The following DLG2 variants were observed in gnomAD, a reference collection of about 807,000 sequenced individuals.
DLG2 encodes disks large homolog 2.
In DLG2, 45 loss-of-function variants were observed where a neutral mutation model predicts 132.5. The ratio of observed to expected loss-of-function variants is 0.34; its 90% confidence interval spans 0.27 to 0.44. The LOEUF (loss-of-function observed/expected upper bound fraction) is 0.44, where lower values mean the gene tolerates loss of function less well. DLG2 is among the 20% of genes least tolerant of loss of function. The probability of loss-of-function intolerance (pLI) is 1.00; values close to 1 mark genes in which losing one functional copy is unlikely to be tolerated. For synonymous variants in DLG2, 424 were observed against 419.6 expected, an observed-to-expected ratio of 1.01 and a Z score of -0.13; for missense variants, 1,045 against 1,196.9, an observed-to-expected ratio of 0.87 and a Z score of 1.87.
chr11:84,242,343 T>C (rs1044607834), intron 8 of DLG2, among the ~76,000 whole-genome samples: 12 of 152,098 alleles, frequency 7.9e-5, no homozygotes, highest in African/African-American at 2.9e-4. Context: ...GGTCTTCTGT[T>C]GGTTTTTTTT....
At chr11:84,865,668 C>T (rs1438689562) in intron 6 of DLG2, among the ~76,000 whole-genome samples, 1 of 152,138 alleles carries the variant, frequency 6.6e-6, no homozygotes, top group East Asian at 1.9e-4. Context: ...ACAAAAGTAT[C>T]CTAACACAAC....
intron 3 of DLG2, among the ~76,000 whole-genome samples, chr11:85,567,566 A>G (rs1484748112): frequency 6.6e-6 from 1 of 152,160 alleles, no homozygotes; most frequent in Non-Finnish European, 1.5e-5. Flanking sequence ...TAAATACAAG[A>G]TCATGTAATC....
chr11:83,622,928 C>T (rs1024657502), intron 19 of DLG2, among the ~76,000 whole-genome samples: 1 of 152,144 alleles, frequency 6.6e-6, no homozygotes, highest in Non-Finnish European at 1.5e-5. Context: ...GGTTCAGTCA[C>T]ATTGAAGTCA....
intron 6 of DLG2, among the ~76,000 whole-genome samples, chr11:84,848,952 AG>A (rs1365581360): frequency 1.3e-5 from 2 of 152,230 alleles, no homozygotes; most frequent in African/African-American, 4.8e-5. Context: ...GAGGTAATAC[AG>A]TGCCAGCTCT....
At chr11:84,538,918 C>T (rs540472603) in intron 6 of DLG2, among the ~76,000 whole-genome samples, 1 of 152,288 alleles carries the variant, frequency 6.6e-6, no homozygotes, top group South Asian at 2.1e-4. Context: ...CAAACTCAAG[C>T]TTCCAAAGGA....
chr11:85,027,720 A>G (rs974855446), intron 6 of DLG2, among the ~76,000 whole-genome samples: 1 of 152,224 alleles, frequency 6.6e-6, no homozygotes, highest in Non-Finnish European at 1.5e-5. Flanking sequence ...GGCTTCAGCT[A>G]TAGGCACCTG....
chr11:84,710,164 C>G (rs1565731629), intron 6 of DLG2, among the ~76,000 whole-genome samples: 1 of 151,892 alleles, frequency 6.6e-6, no homozygotes, highest in African/African-American at 2.4e-5. Context: ...GAATAAAACA[C>G]TGTGGGTGGT....
chr11:84,112,754 A>T (rs1476121831), intron 9 of DLG2, among the ~76,000 whole-genome samples: 1 of 152,184 alleles, frequency 6.6e-6, no homozygotes, highest in African/African-American at 2.4e-5. Context: ...ACTAGGCAAG[A>T]GGGATGGGAA....
chr11:85,115,063 A>T (rs1040177041), intron 5 of DLG2, among the ~76,000 whole-genome samples: 2 of 151,912 alleles, frequency 1.3e-5, no homozygotes, highest in African/African-American at 4.8e-5. Context: ...CAGTAAAATG[A>T]TCCTCATAAA....
intron 3 of DLG2, among the ~76,000 whole-genome samples, chr11:85,383,430 T>C (rs1027803345): frequency 2.0e-5 from 3 of 152,282 alleles, no homozygotes; most frequent in African/African-American, 7.2e-5. Context: ...AAACGCTGAA[T>C]TGTGTACTTT....
At chr11:85,053,719 G>A (rs899230484) in intron 6 of DLG2, among the ~76,000 whole-genome samples, 6 of 147,496 alleles carry the variant, frequency 4.1e-5, no homozygotes, top group Non-Finnish European at 4.5e-5. Context: ...GGAGAATGGC[G>A]TGAACCCAGG....
Position 84,864,588 on chromosome 11 carries a change from T to C in DLG2, c.357+247073A>G, listed in dbSNP as rs540422393. 3.9e-5 allele frequency among the ~76,000 whole-genome samples: 6 copies of C among 152,298 alleles called. No individual in the cohort carries two copies. In the South Asian group the frequency reaches 1.2e-3, roughly 32 times the overall value. ...TTATAAGCTTCAGAAATCCAGTAAC[T>C]TTAAATAAGGAACTATGGGTTTTTC... On this transcript the variant is annotated intron_variant, in intron 6 of 27. Coordinates refer to ENST00000376104, the MANE Select transcript of DLG2 (RefSeq NM_001142699.3).
At chr11:84,084,786 T>C (rs1247068331) in intron 10 of DLG2, among the ~76,000 whole-genome samples, 1 of 152,204 alleles carries the variant, frequency 6.6e-6, no homozygotes, top group Admixed American at 6.5e-5. Flanking sequence ...TTAAAGAGAA[T>C]CCCTCACCAT....
intron 6 of DLG2, among the ~76,000 whole-genome samples, chr11:84,979,447 C>T (rs1481436025): frequency 6.6e-6 from 1 of 152,106 alleles, no homozygotes; most frequent in East Asian, 1.9e-4. Context: ...GAAAATGTGG[C>T]ACATATACAC....
chr11:84,233,116 T>G (rs1207340927), intron 8 of DLG2, among the ~76,000 whole-genome samples: 1 of 152,136 alleles, frequency 6.6e-6, no homozygotes, highest in Non-Finnish European at 1.5e-5. Flanking sequence ...TGGATGAAAG[T>G]GTTATAGTAG....
chr11:84,576,680 T>A (rs1427098181), intron 6 of DLG2, among the ~76,000 whole-genome samples: 3 of 152,200 alleles, frequency 2.0e-5, no homozygotes, highest in African/African-American at 7.2e-5. Flanking sequence ...GGTGTGCAAG[T>A]AATGAGGATA....
intron 7 of DLG2, among the ~76,000 whole-genome samples, chr11:84,492,591 A>G (rs1171738887): frequency 6.6e-6 from 1 of 152,172 alleles, no homozygotes; most frequent in Non-Finnish European, 1.5e-5. Context: ...AAAGAAAATA[A>G]TCACATATAA....
intron 6 of DLG2, among the ~76,000 whole-genome samples, chr11:84,687,931 T>C (rs1338413334): frequency 6.6e-6 from 1 of 151,928 alleles, no homozygotes; most frequent in Non-Finnish European, 1.5e-5. Flanking sequence ...AAATACCAGG[T>C]GGGTTCCACA....
intron 7 of DLG2, among the ~76,000 whole-genome samples, chr11:84,272,696 C>T (rs553855809): frequency 1.4e-4 from 22 of 152,124 alleles, no homozygotes; most frequent in Non-Finnish European, 2.9e-4. Flanking sequence ...TTATACTTTT[C>T]AAGATAACTT....
Sources: gnomAD v4.1 joint callset for allele counts (sites outside exome capture counted in the v4.1 genomes callset) on GRCh38, gnomAD v4.1.1 for gene constraint, MANE v1.5 for transcripts, NCBI Gene and HGNC (gene_info 2026-07-23, HGNC 2026-07-21) for gene names.